CTNNA1: variants seen among roughly 807,000 people sequenced by gnomAD.
CTNNA1 encodes the protein catenin alpha 1, also known as catenin alpha-1.
Under a neutral mutation model 98.4 loss-of-function variants are expected in CTNNA1, and 37 were observed. The observed-to-expected ratio is 0.38, with a 90% CI of 0.29 to 0.49. The LOEUF (loss-of-function observed/expected upper bound fraction) is 0.49. CTNNA1 is among the 20% of genes least tolerant of loss of function. The pLI, the probability that CTNNA1 is intolerant of heterozygous loss-of-function variation, is 0.95. For missense variants in CTNNA1, 761 were observed against 1,147.2 expected (o/e 0.66, Z 4.86); for synonymous variants, 404 against 413.2 (o/e 0.98, Z 0.27).
chr5:138,921,350 A>T (rs1236587791), intron 11 of CTNNA1, among the ~76,000 whole-genome samples: 1 of 152,194 alleles, frequency 6.6e-6, no homozygotes, highest in African/African-American at 2.4e-5. Context: ...TGGGTTTATT[A>T]AATTTTTTAC....
At chr5:138,849,449 A>G (rs1763001502) in intron 7 of CTNNA1, among the ~76,000 whole-genome samples, 1 of 152,230 alleles carries the variant, frequency 6.6e-6, no homozygotes, top group Non-Finnish European at 1.5e-5. Context: ...ACAAAAACAA[A>G]GACGGTAGGA....
Position 138,929,372 on chromosome 5 carries a change from G to T in CTNNA1, c.2010+16G>T, listed in dbSNP as rs200031190. The T allele has an allele frequency of 2.3e-6, 3 of 1,327,996 alleles. No homozygotes were observed. Among genetic ancestry groups the T allele is most frequent in the African/African-American group, 2.9e-5 (2 of 69,444 alleles). The allele number at this position is 1,327,996 out of a possible 1,614,324, so 82.3% of individuals were successfully genotyped here. On this transcript the variant is annotated intron_variant, in intron 14 of 17. Coordinates refer to ENST00000302763, the MANE Select transcript of CTNNA1 (RefSeq NM_001903.5). ...GAGTGCCCGGGTAAGGAAGCGCTCCGTGGGGCAGTTCAGCTTGTGCTGCCG... is the reference window on the plus strand; with the variant it reads ...GAGTGCCCGGGTAAGGAAGCGCTCCTTGGGGCAGTTCAGCTTGTGCTGCCG...
At chr5:138,910,226 C>CT (rs70982740) in intron 10 of CTNNA1, among the ~76,000 whole-genome samples, 873 of 53,366 alleles carry the variant, frequency 0.016, 55 homozygotes, top group Non-Finnish European at 0.02. Context: ...TCCTACTTTT[C>CT]TTTTTTTTTT....
chr5:138,765,326 C>T (rs1254077702), intron 1 of CTNNA1, among the ~76,000 whole-genome samples: 1 of 152,044 alleles, frequency 6.6e-6, no homozygotes, highest in Admixed American at 6.5e-5. Context: ...CAGGCGTGAG[C>T]CACCGCGCCC....
intron 9 of CTNNA1, among the ~76,000 whole-genome samples, chr5:138,896,470 G>A (rs1047561385): frequency 6.6e-6 from 1 of 152,142 alleles, no homozygotes; most frequent in Non-Finnish European, 1.5e-5. Flanking sequence ...GTCTGGCTGG[G>A]ACCTGTGACC....
At chr5:138,905,906 C>A (rs1438177144) in intron 10 of CTNNA1, among the ~76,000 whole-genome samples, 10 of 152,276 alleles carry the variant, frequency 6.6e-5, no homozygotes, top group African/African-American at 2.4e-4. Context: ...AGGCAGTGGC[C>A]TCAAATAAAG....
At chr5:138,924,803 G>A in intron 12 of CTNNA1, 93 bp downstream of exon 12, 1 of 1,187,128 alleles carries the variant, frequency 8.4e-7, no homozygotes, top group Non-Finnish European at 1.2e-6. Flanking sequence ...GAGGAAGGAG[G>A]AGTTGGGAAC....
At chr5:138,925,512 A>G (rs1346271179) in intron 13 of CTNNA1, 105 bp downstream of exon 13, 2 of 1,416,934 alleles carry the variant, frequency 1.4e-6, no homozygotes, top group African/African-American at 2.8e-5. Context: ...GCAGTATATT[A>G]AAACCATGAA....
chr5:138,798,456 A>AT (rs1757195403), intron 3 of CTNNA1, among the ~76,000 whole-genome samples: 1 of 152,222 alleles, frequency 6.6e-6, no homozygotes, highest in Admixed American at 6.5e-5. Context: ...TAAAGGAGCA[A>AT]TGTAACAGGT....
At chr5:138,770,821 G>T (rs1488751810) in intron 1 of CTNNA1, among the ~76,000 whole-genome samples, 1 of 152,004 alleles carries the variant, frequency 6.6e-6, no homozygotes, top group Non-Finnish European at 1.5e-5. Flanking sequence ...GCTTGGTGGT[G>T]GGCGCCTGTA....
chr5:138,892,513 T>G (rs950374703), intron 9 of CTNNA1, among the ~76,000 whole-genome samples: 1 of 151,402 alleles, frequency 6.6e-6, no homozygotes, highest in Non-Finnish European at 1.5e-5. Context: ...CATTTTTGTA[T>G]TTTTAGAAGA....
At chr5:138,768,570 T>G (rs961697352) in intron 1 of CTNNA1, among the ~76,000 whole-genome samples, 24 of 146,464 alleles carry the variant, frequency 1.6e-4, no homozygotes, top group African/African-American at 5.8e-4. Context: ...TTTTTTTTTT[T>G]TTTTTTTTTT....
chr5:138,793,998 T>C (rs1311986688), intron 3 of CTNNA1, among the ~76,000 whole-genome samples: 1 of 150,260 alleles, frequency 6.7e-6, no homozygotes, highest in East Asian at 2.0e-4. Flanking sequence ...ATTAAATGTT[T>C]ATTTCCTGGG....
At chr5:138,916,004 G>A (rs1007483395) in intron 10 of CTNNA1, among the ~76,000 whole-genome samples, 2 of 152,004 alleles carry the variant, frequency 1.3e-5, no homozygotes, top group Admixed American at 6.5e-5. Flanking sequence ...AGCTGAGATC[G>A]CGCCACTGCT....
chr5:138,814,816 C>T (rs963180958), intron 5 of CTNNA1, among the ~76,000 whole-genome samples: 3 of 151,764 alleles, frequency 2.0e-5, no homozygotes, highest in Non-Finnish European at 2.9e-5. Flanking sequence ...TGCAGTGGTG[C>T]GATCTCGGCT....
chr5:138,885,338 TGTTTTTCAGAAAGAACC>T (rs959810541), intron 7 of CTNNA1, among the ~76,000 whole-genome samples: 1 of 152,224 alleles, frequency 6.6e-6, no homozygotes, highest in Non-Finnish European at 1.5e-5. Flanking sequence ...TTTGCTGACA[TGTTTTTCAGAAAGAACC>T]GTATTTGTTT....
intron 1 of CTNNA1, among the ~76,000 whole-genome samples, chr5:138,773,994 A>G (rs1009726076): frequency 2.6e-5 from 4 of 151,848 alleles, no homozygotes; most frequent in Admixed American, 2.6e-4. Context: ...AGCGATTCTC[A>G]TGCCTCAGCC....
intron 5 of CTNNA1, among the ~76,000 whole-genome samples, chr5:138,815,310 T>C (rs1401750226): frequency 6.6e-6 from 1 of 152,100 alleles, no homozygotes; most frequent in Non-Finnish European, 1.5e-5. Context: ...TGCTGGATAA[T>C]CTTCTGTTTG....
intron 3 of CTNNA1, among the ~76,000 whole-genome samples, chr5:138,800,647 A>G (rs1297967423): frequency 6.6e-6 from 1 of 152,092 alleles, no homozygotes; most frequent in Non-Finnish European, 1.5e-5. Context: ...AAAAAAGAAT[A>G]GAAAAATTAG....
Sources: allele counts gnomAD v4.1 joint callset (sites outside exome capture counted in the v4.1 genomes callset), GRCh38; gene constraint gnomAD v4.1.1; transcripts MANE v1.5; gene names NCBI Gene and HGNC (gene_info 2026-07-23, HGNC 2026-07-21).